Variants in ZNF503 observed in about 807,000 individuals in gnomAD.
ZNF503 encodes the protein zinc finger protein 503.
A neutral mutation model predicts 34.4 loss-of-function variants in ZNF503; 15 were observed. The observed-to-expected ratio is 0.44, with a 90% CI of 0.29 to 0.67. ZNF503 has a LOEUF of 0.67. ZNF503 is among the 30% of genes least tolerant of loss of function. ZNF503 has a pLI of 0.13. For missense variants in ZNF503, 1,007 were observed against 926.8 expected (o/e 1.09, Z -1.12); for synonymous variants, 580 against 456.8 (o/e 1.27, Z -3.44).
At chr10:75,376,996 G>A in the ZNF503 span, among the ~76,000 whole-genome samples, 80 of 152,292 alleles carry the variant, frequency 5.3e-4, no homozygotes, top group Non-Finnish European at 9.0e-4. Context: ...AACTATATCA[G>A]GTGTTCTCAA....
the ZNF503 span, among the ~76,000 whole-genome samples, chr10:75,366,249 T>C: frequency 1.3e-5 from 2 of 152,238 alleles, no homozygotes; most frequent in African/African-American, 4.8e-5. Context: ...GGCTATATCC[T>C]ATTGGGGATT....
the ZNF503 span, among the ~76,000 whole-genome samples, chr10:75,293,617 C>T: frequency 6.6e-6 from 1 of 151,836 alleles, no homozygotes; most frequent in Non-Finnish European, 1.5e-5. Context: ...CAGAGTGCCC[C>T]CCCCGTCCAC....
the ZNF503 span, among the ~76,000 whole-genome samples, chr10:75,305,567 G>A: frequency 2.0e-5 from 3 of 152,072 alleles, no homozygotes; most frequent in African/African-American, 7.2e-5. Context: ...ATACAGTTAA[G>A]TAATGTTAAG....
At chr10:75,391,859 T>A in the ZNF503 span, among the ~76,000 whole-genome samples, 1 of 152,134 alleles carries the variant, frequency 6.6e-6, no homozygotes, top group African/African-American at 2.4e-5. Context: ...CTAGCTGCCA[T>A]GATTAGAAGT....
chr10:75,401,878 TC>T, upstream of ZNF503: 1 of 172,668 alleles, frequency 5.8e-6, no homozygotes, highest in South Asian at 1.3e-4. Flanking sequence ...ATGTGACGCG[TC>T]CCGCGCCGCC....
the ZNF503 span, among the ~76,000 whole-genome samples, chr10:75,337,104 G>T: frequency 2.9e-4 from 44 of 150,756 alleles, no homozygotes; most frequent in Admixed American, 1.4e-3. Context: ...CAGGTGAATT[G>T]CTTGAGCCCA....
At chr10:75,304,383 G>T in the ZNF503 span, among the ~76,000 whole-genome samples, 5 of 152,122 alleles carry the variant, frequency 3.3e-5, no homozygotes, top group Admixed American at 6.5e-5. Context: ...TAGTAAACTT[G>T]GTTATTAGTG....
At chr10:75,348,753 C>G in the ZNF503 span, among the ~76,000 whole-genome samples, 1,819 of 152,060 alleles carry the variant, frequency 0.012, 37 homozygotes, top group African/African-American at 0.041. Context: ...ACCTCGTGAT[C>G]CGCCCGCCTC....
At chr10:75,352,470 T>C in the ZNF503 span, among the ~76,000 whole-genome samples, 2 of 152,206 alleles carry the variant, frequency 1.3e-5, no homozygotes, top group African/African-American at 4.8e-5. Flanking sequence ...CTCAGGAAGT[T>C]TCCAGGCTGA....
chr10:75,309,768 A>AT, the ZNF503 span, among the ~76,000 whole-genome samples: 1 of 151,940 alleles, frequency 6.6e-6, no homozygotes, highest in Non-Finnish European at 1.5e-5. Context: ...TATATTTTTT[A>AT]TTTTGTTGCC....
At chr10:75,390,124 C>T in the ZNF503 span, among the ~76,000 whole-genome samples, 2 of 151,990 alleles carry the variant, frequency 1.3e-5, no homozygotes, top group Admixed American at 6.5e-5. Context: ...GTCTCGATCT[C>T]CTGACCTCGT....
At chr10:75,380,440 G>A in the ZNF503 span, among the ~76,000 whole-genome samples, 24 of 152,254 alleles carry the variant, frequency 1.6e-4, no homozygotes, top group East Asian at 5.8e-4. Flanking sequence ...AGCTCAGCAC[G>A]GTACCTATAG....
At chr10:75,293,313 G>A in the ZNF503 span, among the ~76,000 whole-genome samples, 1 of 152,186 alleles carries the variant, frequency 6.6e-6, no homozygotes, top group Non-Finnish European at 1.5e-5. Context: ...GGACATCAGA[G>A]GAGGGCAAGG....
chr10:75,367,568 A>C, the ZNF503 span, among the ~76,000 whole-genome samples: 541 of 152,344 alleles, frequency 3.6e-3, 4 homozygotes, highest in African/African-American at 0.012. Context: ...ACTTCGTGCT[A>C]AAAAGAAAAA....
the ZNF503 span, among the ~76,000 whole-genome samples, chr10:75,281,243 C>T: frequency 6.6e-6 from 1 of 152,080 alleles, no homozygotes; most frequent in South Asian, 2.1e-4. Flanking sequence ...CCCGGAGGGG[C>T]CTGAGATGGG....
At position 75,400,087 on chromosome 10, in the gene ZNF503, GCCGCCC is replaced by G; in HGVS notation, c.597_602del (p.Gly203_Gly204del). On this transcript the variant is annotated inframe_deletion, in exon 2 of 2. Coordinates refer to ENST00000372524, the MANE Select transcript of ZNF503 (RefSeq NM_032772.6). ...ACTTCTCCGACGAAACACCCCCGCC[GCCGCCC>G]CCGCCACCGCCACCGCCTCCACCGC... 1.2e-6 allele frequency: 1 copy of G among 800,150 alleles called. No homozygotes were observed. Among genetic ancestry groups the G allele is most frequent in the Non-Finnish European group, 1.8e-6 (1 of 567,036 alleles). The allele number at this position is 800,150 out of a possible 1,614,324, so 49.6% of individuals were successfully genotyped here.
Position 75,401,086 on chromosome 10 carries a change from C to T in ZNF503, c.315+19G>A, listed in dbSNP as rs375964588. ...GCCAGGGTAGTGGTCCCAGTGCGAT[C>T]CAGAGAGAGGGTCCTTACCTCGATG... On this transcript the variant is annotated intron_variant, in intron 1 of 1. Transcript: ENST00000372524. 6.2e-7 allele frequency: 1 copy of T among 1,613,716 alleles called. No homozygotes were observed. Among genetic ancestry groups the T allele is most frequent in the Admixed American group, 1.7e-5 (1 of 60,008 alleles).
the ZNF503 span, among the ~76,000 whole-genome samples, chr10:75,351,866 C>T: frequency 1.4e-4 from 21 of 152,284 alleles, no homozygotes; most frequent in African/African-American, 4.3e-4. Flanking sequence ...AATTGCTTTA[C>T]CTCTCTGGGC....
chr10:75,369,998 T>G, the ZNF503 span, among the ~76,000 whole-genome samples: 3 of 150,410 alleles, frequency 2.0e-5, no homozygotes, highest in African/African-American at 7.4e-5. Flanking sequence ...ACCCGGGAGG[T>G]GGAGGTTGAG....
Sources: allele counts gnomAD v4.1 joint callset (sites outside exome capture counted in the v4.1 genomes callset), GRCh38; gene constraint gnomAD v4.1.1; transcripts MANE v1.5; gene names NCBI Gene and HGNC (gene_info 2026-07-23, HGNC 2026-07-21).